The following HDGFL2 variants were observed in gnomAD, a reference collection of about 807,000 sequenced individuals.
The protein encoded by HDGFL2 is HDGF like 2, also known as hepatoma-derived growth factor-related protein 2.
HDGFL2 carries 36 observed loss-of-function variants against 77.1 expected under a neutral mutation model. That is an observed-to-expected ratio of 0.47 (90% CI 0.36 to 0.62). HDGFL2 has a LOEUF of 0.62. Among genes scored for constraint, HDGFL2 ranks in the 20% least tolerant of loss-of-function variants. HDGFL2 has a pLI of 0.00. For synonymous variants in HDGFL2, 463 were observed against 413.1 expected (o/e 1.12, Z -1.46); for missense variants, 976 against 973.4 (o/e 1.00, Z -0.04).
chr19:4,478,751 G>A (rs904635486), intron 3 of HDGFL2, among the ~76,000 whole-genome samples: 1 of 151,452 alleles, frequency 6.6e-6, no homozygotes, highest in African/African-American at 2.4e-5. Context: ...GTGCGACCTC[G>A]GCTCACTGCA....
At chr19:4,485,389 G>A (rs141939713) in intron 3 of HDGFL2, among the ~76,000 whole-genome samples, 3 of 152,046 alleles carry the variant, frequency 2.0e-5, no homozygotes, top group East Asian at 2.0e-4. Context: ...GTTATACCAC[G>A]TTTGTTTATC....
intron 3 of HDGFL2, among the ~76,000 whole-genome samples, chr19:4,484,363 C>T (rs1318970766): frequency 6.6e-6 from 1 of 152,162 alleles, no homozygotes; most frequent in Non-Finnish European, 1.5e-5. Flanking sequence ...GGATTATAGG[C>T]GTGAGCCACC....
chr19:4,498,603 C>T (rs1975771563), intron 12 of HDGFL2, among the ~76,000 whole-genome samples: 1 of 152,040 alleles, frequency 6.6e-6, no homozygotes, highest in African/African-American at 2.4e-5. Context: ...GTGTGGAGGC[C>T]CCCAGGACCA....
intron 3 of HDGFL2, among the ~76,000 whole-genome samples, chr19:4,484,079 GCACC>G (rs2145173251): frequency 6.9e-6 from 1 of 145,698 alleles, no homozygotes; most frequent in South Asian, 2.2e-4. Flanking sequence ...GTGAGCCACT[GCACC>G]CGGCCTTTTT....
In HDGFL2 at chr19:4,483,809, T is replaced by G. The variant is rs1388033156; in HGVS notation, c.289-4867T>G. On this transcript the variant is annotated intron_variant, in intron 3 of 15. Coordinates refer to ENST00000616600, the MANE Select transcript of HDGFL2 (RefSeq NM_001001520.3). Reference sequence around the variant, plus strand: ...ATGATTTTTTTTTTTTTTTTTTTTTTGAGACAGTCTTGCTCTGTCTCCTAA... The same window carrying G: ...ATGATTTTTTTTTTTTTTTTTTTTTGGAGACAGTCTTGCTCTGTCTCCTAA... Among the ~76,000 whole-genome samples, 628 of 121,026 alleles carry G rather than the reference T, an allele frequency of 5.2e-3. 2 individuals carry two copies. Among genetic ancestry groups the G allele is most frequent in the Non-Finnish European group, 7.8e-3 (446 of 57,502 alleles). The allele number at this position is 121,026 out of a possible 152,430, so 79.4% of individuals were successfully genotyped here.
Position 4,496,407 on chromosome 19 carries a change from T to G in HDGFL2, c.1328+2T>G. ...GCCCGAGGAGAAGCAACAAGCCAAGTGAGCCCTGCTCTGCCCCTCCACACC... is the reference window on the plus strand; with the variant it reads ...GCCCGAGGAGAAGCAACAAGCCAAGGGAGCCCTGCTCTGCCCCTCCACACC... On this transcript the variant is annotated splice_donor_variant, in intron 10 of 15. Coordinates refer to ENST00000616600, the MANE Select transcript of HDGFL2 (RefSeq NM_001001520.3). LOFTEE classifies it high-confidence loss of function. 1.9e-6 allele frequency: 3 copies of G among 1,612,408 alleles called. No homozygotes were observed. The highest frequency in any genetic ancestry group is 2.5e-6 in the Non-Finnish European group (3 of 1,179,032).
intron 1 of HDGFL2, among the ~76,000 whole-genome samples, chr19:4,474,197 G>A (rs1599694985): frequency 6.6e-6 from 1 of 152,022 alleles, no homozygotes; most frequent in African/African-American, 2.4e-5. Flanking sequence ...GGGGTGGAAG[G>A]CTGGGGCAGC....
chr19:4,484,998 G>A (rs1975324500), intron 3 of HDGFL2, among the ~76,000 whole-genome samples: 1 of 151,856 alleles, frequency 6.6e-6, no homozygotes, highest in South Asian at 2.1e-4. Flanking sequence ...AGTAGAGACA[G>A]GGTTTCACTG....
intron 3 of HDGFL2, among the ~76,000 whole-genome samples, chr19:4,479,986 G>A (rs149393243): frequency 6.6e-6 from 1 of 150,814 alleles, no homozygotes; most frequent in Non-Finnish European, 1.5e-5. Context: ...CCAGGCCACG[G>A]TTTCTCAGCA....
At position 4,493,998 on chromosome 19, in the gene HDGFL2, G is replaced by C. The variant is rs910171934; in HGVS notation, c.855G>C (p.Pro285=). Residue 285 remains proline (P), a synonymous_variant, in exon 8 of 16, where the codon CCG becomes CCC. Coordinates refer to ENST00000616600, the MANE Select transcript of HDGFL2 (RefSeq NM_001001520.3). ...TTCCTGTAGCGGAGAAGCCTCTCCC[G>C]AAGCCGCGAGGGCGGAAACCGAAGC... ...RGRKPAEKPL[P]KPRGRKPKPE... 5 of 1,610,978 alleles carry C rather than the reference G, an allele frequency of 3.1e-6. No homozygotes were observed. The highest frequency in any genetic ancestry group is 4.2e-6 in the Non-Finnish European group (5 of 1,179,028).
intron 12 of HDGFL2, among the ~76,000 whole-genome samples, 200 bp from the exon 13 acceptor site, chr19:4,498,614 A>G (rs951306815): frequency 2.6e-5 from 4 of 151,608 alleles, no homozygotes; most frequent in African/African-American, 9.7e-5. Flanking sequence ...CCCAGGACCA[A>G]CCCCCACGTA....
intron 15 of HDGFL2, 106 bp downstream of exon 15, chr19:4,501,423 C>T (rs1975879644): frequency 1.5e-6 from 2 of 1,358,272 alleles, no homozygotes; most frequent in Non-Finnish European, 2.0e-6. Flanking sequence ...GGATGGGTCC[C>T]AGGGATGTCG....
intron 4 of HDGFL2, among the ~76,000 whole-genome samples, chr19:4,490,888 C>T (rs886759769): frequency 3.4e-4 from 51 of 151,524 alleles, no homozygotes; most frequent in Non-Finnish European, 6.8e-4. Flanking sequence ...CTCGGCTCAC[C>T]GCAACCTCTG....
intron 3 of HDGFL2, among the ~76,000 whole-genome samples, chr19:4,481,420 G>A (rs539893678): frequency 6.6e-6 from 1 of 152,088 alleles, no homozygotes; most frequent in African/African-American, 2.4e-5. Context: ...TCGATCTCCC[G>A]ACCTCGTGAT....
At chr19:4,497,899 GC>G in intron 10 of HDGFL2, 58 bp from the exon 11 acceptor site, 1 of 1,453,894 alleles carries the variant, frequency 6.9e-7, no homozygotes, top group Non-Finnish European at 9.4e-7. Context: ...TCAGGCGCCA[GC>G]CCCTCAGTGG....
At chr19:4,501,098 A>G in intron 14 of HDGFL2, 93 bp from the exon 15 acceptor site, 2 of 1,532,160 alleles carry the variant, frequency 1.3e-6, no homozygotes, top group East Asian at 4.7e-5. Context: ...CACGGCGCTC[A>G]GCTTGGCCCC....
In HDGFL2 at chr19:4,499,635, A is replaced by G. The variant is rs1042930320; in HGVS notation, c.1720A>G (p.Lys574Glu). 1.5e-5 allele frequency: 24 copies of G among 1,589,878 alleles called. No individual in the cohort carries two copies. Among genetic ancestry groups the G allele is most frequent in the Non-Finnish European group, 2.1e-5 (24 of 1,167,712 alleles). The change falls in exon 14 of 16, where the codon AAG becomes GAG. Residue 574 changes from lysine (K) to glutamate (E), a missense_variant. Physicochemically the swap from Lys to Glu is moderately conservative, Grantham distance 56 (BLOSUM62 1). Transcript: ENST00000616600. ...GATGGAGAAGGAGAAGGCCGAGGAG[A>G]AGCTGGCCGGGGAGGAGCTGGCCGG... ...AGMEKEKAEE[K>E]LAGEELAGEE...
chr19:4,497,706 A>G (rs2145212617), intron 10 of HDGFL2: 2 of 538,344 alleles, frequency 3.7e-6, no homozygotes, highest in Non-Finnish European at 6.6e-6. Context: ...TGAACGAGGA[A>G]AAGAATCCTG....
intron 11 of HDGFL2, 47 bp downstream of exon 11, chr19:4,498,078 G>T: frequency 4.0e-6 from 6 of 1,498,068 alleles, no homozygotes; most frequent in Non-Finnish European, 5.5e-6. Flanking sequence ...TCACTGAGGG[G>T]AACGGGGACA....
Sources: allele counts gnomAD v4.1 joint callset (sites outside exome capture counted in the v4.1 genomes callset), GRCh38; gene constraint gnomAD v4.1.1; transcripts MANE v1.5; gene names NCBI Gene and HGNC (gene_info 2026-07-23, HGNC 2026-07-21).